Variants in PCNX2 observed in about 807,000 individuals in gnomAD.
PCNX2 encodes the protein pecanex-like protein 2.
In PCNX2, 168 loss-of-function variants were observed where a neutral mutation model predicts 223.8. The ratio of observed to expected loss-of-function variants is 0.75; its 90% CI spans 0.66 to 0.85. PCNX2 has a LOEUF of 0.85. PCNX2 is among the 40% of genes least tolerant of loss of function. PCNX2 has a pLI of 0.00. For missense variants in PCNX2, 2,507 were observed against 2,675.5 expected, an observed-to-expected ratio of 0.94 and a Z score of 1.39; for synonymous variants, 1,006 against 1,052.6, an observed-to-expected ratio of 0.96 and a Z score of 0.86.
intron 27 of PCNX2, among the ~76,000 whole-genome samples, chr1:233,015,438 C>T (rs547002385): frequency 8.7e-4 from 133 of 152,274 alleles, no homozygotes; most frequent in African/African-American, 3.1e-3. Flanking sequence ...GTGGCTCACG[C>T]CTGTAATCTG....
chr1:233,134,965 C>T (rs139867689), intron 21 of PCNX2, 48 bp downstream of exon 21: 29,367 of 1,428,334 alleles, frequency 0.021, 402 homozygotes, highest in Non-Finnish European at 0.025. Flanking sequence ...TTGATAAGAA[C>T]AGCCCCCTTT....
intron 9 of PCNX2, 48 bp downstream of exon 9, chr1:233,236,797 C>T (rs1232027222): frequency 1.3e-6 from 2 of 1,594,062 alleles, no homozygotes; most frequent in Admixed American, 1.7e-5. Context: ...GTTTTAAGAT[C>T]CCCTGTTTCC....
At chr1:233,225,465 C>T (rs1193457328) in intron 10 of PCNX2, among the ~76,000 whole-genome samples, 2 of 152,140 alleles carry the variant, frequency 1.3e-5, no homozygotes, top group Non-Finnish European at 1.5e-5. Flanking sequence ...AAGGCTGACT[C>T]GAGTCCAGGG....
At chr1:233,308,689 AAT>A in the PCNX2 span, among the ~76,000 whole-genome samples, 2 of 152,272 alleles carry the variant, frequency 1.3e-5, no homozygotes, top group South Asian at 4.1e-4. Context: ...GTAAGAAATC[AAT>A]AGAGAACATC....
chr1:233,250,435 T>C (rs937713200), intron 8 of PCNX2: 2 of 575,630 alleles, frequency 3.5e-6, no homozygotes, highest in Non-Finnish European at 4.4e-6. Context: ...TAATAATGTG[T>C]TTGAGAGCTG....
chr1:233,303,117 A>G, the PCNX2 span, among the ~76,000 whole-genome samples: 4 of 151,290 alleles, frequency 2.6e-5, no homozygotes, highest in South Asian at 2.1e-4. Flanking sequence ...ATACAAATGC[A>G]CACACACACA....
chr1:233,003,146 T>C (rs1670150596), intron 28 of PCNX2, among the ~76,000 whole-genome samples: 2 of 152,096 alleles, frequency 1.3e-5, no homozygotes, highest in African/African-American at 4.8e-5. Flanking sequence ...AAACCCAAAA[T>C]TGACAAATGG....
chr1:233,150,336 C>G (rs543251207), intron 19 of PCNX2, among the ~76,000 whole-genome samples: 1 of 152,178 alleles, frequency 6.6e-6, no homozygotes, highest in African/African-American at 2.4e-5. Context: ...TATCTACTCT[C>G]CAGGTTCCCA....
chr1:233,080,400 A>AC (rs1673302311), intron 23 of PCNX2, among the ~76,000 whole-genome samples: 4 of 137,494 alleles, frequency 2.9e-5, no homozygotes, highest in Non-Finnish European at 4.5e-5. Context: ...ACACACACAC[A>AC]AACACACACA....
At chr1:233,304,603 A>C in the PCNX2 span, among the ~76,000 whole-genome samples, 1 of 152,328 alleles carries the variant, frequency 6.6e-6, no homozygotes, top group Admixed American at 6.5e-5. Flanking sequence ...TGAGATGAAT[A>C]AAGGGAGGGA....
At chr1:232,992,371 A>G (rs1169437392) in intron 32 of PCNX2, among the ~76,000 whole-genome samples, 7 of 152,238 alleles carry the variant, frequency 4.6e-5, no homozygotes, top group Non-Finnish European at 1.0e-4. Flanking sequence ...TGGGGCCAGA[A>G]GGAAGATCAC....
At chr1:233,182,167 G>A (rs1205408808) in intron 15 of PCNX2, among the ~76,000 whole-genome samples, 1 of 152,150 alleles carries the variant, frequency 6.6e-6, no homozygotes, top group African/African-American at 2.4e-5. Flanking sequence ...TGGTTGTTGT[G>A]AGGGTGCTTT....
At chr1:233,190,634 G>A (rs1447257269) in intron 15 of PCNX2, among the ~76,000 whole-genome samples, 2 of 152,254 alleles carry the variant, frequency 1.3e-5, no homozygotes, top group African/African-American at 2.4e-5. Context: ...ACCTCCCTGA[G>A]ATGAAATAAA....
intron 25 of PCNX2, among the ~76,000 whole-genome samples, chr1:233,047,027 G>A (rs1285858826): frequency 6.6e-6 from 1 of 152,182 alleles, no homozygotes; most frequent in East Asian, 1.9e-4. Flanking sequence ...TGGCTGTGAA[G>A]ATGCCTAGTC....
chr1:233,032,580 CT>C (rs11323256), intron 25 of PCNX2, among the ~76,000 whole-genome samples: 68,936 of 146,806 alleles, frequency 0.47, 18,528 homozygotes, highest in African/African-American at 0.76. Context: ...AAAGCCAGGG[CT>C]TTTTTTTTTT....
intron 21 of PCNX2, among the ~76,000 whole-genome samples, chr1:233,100,463 G>A (rs1018723264): frequency 5.3e-5 from 8 of 150,500 alleles, no homozygotes; most frequent in Non-Finnish European, 1.5e-5. Flanking sequence ...GAGTAATTAT[G>A]GCTGTTTCCC....
intron 15 of PCNX2, among the ~76,000 whole-genome samples, chr1:233,191,758 G>A (rs769287339): frequency 1.3e-5 from 2 of 152,240 alleles, no homozygotes; most frequent in Non-Finnish European, 1.5e-5. Context: ...AGGGCTGGAA[G>A]TGAGTATAGA....
intron 9 of PCNX2, among the ~76,000 whole-genome samples, chr1:233,232,673 T>C (rs189075117): frequency 7.9e-5 from 12 of 152,370 alleles, no homozygotes; most frequent in African/African-American, 2.6e-4. Context: ...AATTGTTTCA[T>C]CTTTTAGTAA....
chr1:233,287,991 T>C lies in PCNX2; in HGVS notation c.153+7335A>G, dbSNP rs1661540817. On this transcript the variant is annotated intron_variant, in intron 1 of 33. Transcript: ENST00000258229. Reference sequence around the variant, plus strand: ...CTTACCTATTCCAATAATAGTAACATAATACAATTGTAAATGCTAAAGGAA... The same window carrying C: ...CTTACCTATTCCAATAATAGTAACACAATACAATTGTAAATGCTAAAGGAA... Among the ~76,000 whole-genome samples the C allele has an allele frequency of 2.0e-5, 3 of 152,160 alleles. 1 individual carries two copies. In the South Asian group the frequency reaches 6.2e-4, roughly 31 times the overall value.
Sources: gnomAD v4.1 joint callset for allele counts (sites outside exome capture counted in the v4.1 genomes callset) on GRCh38, gnomAD v4.1.1 for gene constraint, MANE v1.5 for transcripts, NCBI Gene and HGNC (gene_info 2026-07-23, HGNC 2026-07-21) for gene names.